NAV3: variants seen among roughly 807,000 people sequenced by gnomAD.
NAV3 encodes neuron navigator 3.
In NAV3, 87 loss-of-function variants were observed where a neutral mutation model predicts 244.7. That is an observed-to-expected ratio of 0.36 (90% CI 0.30 to 0.42). NAV3 has a LOEUF of 0.42. NAV3 is among the 20% of genes least tolerant of loss of function. NAV3 has a pLI of 1.00. For missense variants in NAV3, 2,663 were observed against 2,893.3 expected (o/e 0.92, Z 1.83); for synonymous variants, 1,126 against 1,042.2 (o/e 1.08, Z -1.55).
At chr12:77,896,722 G>A (rs1202495938) in intron 1 of NAV3, among the ~76,000 whole-genome samples, 1 of 152,150 alleles carries the variant, frequency 6.6e-6, no homozygotes, top group African/African-American at 2.4e-5. Flanking sequence ...CCTCTAAAGG[G>A]GTAACTCTCA....
intron 2 of NAV3, among the ~76,000 whole-genome samples, chr12:77,798,531 C>G (rs1871542688): frequency 7.4e-6 from 1 of 134,482 alleles, no homozygotes. Context: ...TTGAGCCTCA[C>G]TTTCCTCACA....
At chr12:78,069,919 A>G (rs1430301355) in intron 12 of NAV3, among the ~76,000 whole-genome samples, 1 of 152,052 alleles carries the variant, frequency 6.6e-6, no homozygotes, top group African/African-American at 2.4e-5. Flanking sequence ...TTTGTAAACT[A>G]TCAGGAATTA....
In NAV3 at chr12:77,741,148, C is replaced by CAAAAAAAAAAAAAAAAAAAAAAAAGAAA; in HGVS notation, c.72+168900_72+168901insAAAAAAGAAAAAAAAAAAAAAAAAAAAA. Among the ~76,000 whole-genome samples, 8 of 68,654 alleles carry CAAAAAAAAAAAAAAAAAAAAAAAAGAAA rather than the reference C, an allele frequency of 1.2e-4. 1 individual carries two copies. The highest frequency in any genetic ancestry group is 3.6e-4 in the African/African-American group (6 of 16,838). 45.0% of individuals were successfully genotyped at this position (68,654 alleles called of 152,430 possible). A position where few individuals can be genotyped will look rare whatever the true frequency, so the allele number is the denominator to read the frequency against. On this transcript the variant is annotated intron_variant, in intron 2 of 8. Coordinates refer to the NAV3 transcript ENST00000550042. ...GAAATAGTCAAAGAAAAAAAAAAGA[C>CAAAAAAAAAAAAAAAAAAAAAAAAGAAA]AAAAAAAAAAAAAAAAAAGAAAAGA...
At chr12:77,770,690 T>C (rs371207660) in intron 2 of NAV3, among the ~76,000 whole-genome samples, 2 of 152,166 alleles carry the variant, frequency 1.3e-5, no homozygotes, top group South Asian at 2.1e-4. Context: ...ATTTGGGTGC[T>C]GGGAAAACTG....
At chr12:78,062,769 A>G (rs919262141) in intron 12 of NAV3, among the ~76,000 whole-genome samples, 40 of 152,158 alleles carry the variant, frequency 2.6e-4, no homozygotes, top group African/African-American at 9.4e-4. Context: ...TGTGGTTCCC[A>G]ACTACTTTTG....
At chr12:77,625,450 T>C (rs1379091843) in intron 2 of NAV3, among the ~76,000 whole-genome samples, 1 of 151,580 alleles carries the variant, frequency 6.6e-6, no homozygotes, top group African/African-American at 2.4e-5. Context: ...GATTTAAGGC[T>C]CGAGCTCCTT....
At chr12:78,064,119 T>C (rs955628725) in intron 12 of NAV3, among the ~76,000 whole-genome samples, 2 of 151,882 alleles carry the variant, frequency 1.3e-5, no homozygotes, top group Non-Finnish European at 2.9e-5. Flanking sequence ...AGAATGGCAG[T>C]GGGGAAGGGG....
At chr12:77,629,998 A>G (rs1026633952) in intron 2 of NAV3, among the ~76,000 whole-genome samples, 3 of 152,216 alleles carry the variant, frequency 2.0e-5, no homozygotes, top group African/African-American at 4.8e-5. Context: ...GTTGGGGTCA[A>G]TGAATGGCAA....
intron 2 of NAV3, among the ~76,000 whole-genome samples, chr12:77,790,851 G>A (rs1486944217): frequency 6.6e-6 from 1 of 152,222 alleles, no homozygotes; most frequent in South Asian, 2.1e-4. Flanking sequence ...ACTTCACTCA[G>A]GGCGACCTTT....
At chr12:77,661,005 A>C (rs2137036703) in intron 2 of NAV3, among the ~76,000 whole-genome samples, 1 of 152,252 alleles carries the variant, frequency 6.6e-6, no homozygotes, top group Middle Eastern at 3.4e-3. Flanking sequence ...TGGTCATTTG[A>C]AATGTTTCCA....
chr12:77,965,723 A>G (rs1892454613), intron 3 of NAV3, among the ~76,000 whole-genome samples: 1 of 152,212 alleles, frequency 6.6e-6, no homozygotes, highest in South Asian at 2.1e-4. Flanking sequence ...TCACCTCTAG[A>G]AATACAAATA....
intron 2 of NAV3, among the ~76,000 whole-genome samples, chr12:77,755,581 T>TCCTTTCCTTTCCTTCCCTC (rs1565800350): frequency 1.2e-4 from 1 of 8,410 alleles, no homozygotes; most frequent in Non-Finnish European, 2.1e-4. Context: ...TCCTTTCCTT[T>TCCTTTCCTTTCCTTCCCTC]CCTCCCTCCC....
intron 2 of NAV3, among the ~76,000 whole-genome samples, chr12:77,772,460 TAAA>T (rs774058055): frequency 6.6e-6 from 1 of 152,132 alleles, no homozygotes; most frequent in Non-Finnish European, 1.5e-5. Flanking sequence ...TTTATAAGGA[TAAA>T]AAATTCATGC....
intron 1 of NAV3, among the ~76,000 whole-genome samples, chr12:77,870,457 A>C (rs990919290): frequency 1.3e-5 from 2 of 152,068 alleles, no homozygotes; most frequent in African/African-American, 4.8e-5. Flanking sequence ...ATGCTTTAAG[A>C]GATTGACGTA....
intron 20 of NAV3, among the ~76,000 whole-genome samples, chr12:78,141,326 C>A (rs1305968585): frequency 6.6e-6 from 1 of 152,070 alleles, no homozygotes; most frequent in African/African-American, 2.4e-5. Flanking sequence ...AAAAAGTAGC[C>A]TACAGGAAGT....
At chr12:78,151,217 AT>A (rs1457308703) in intron 22 of NAV3, among the ~76,000 whole-genome samples, 1 of 152,102 alleles carries the variant, frequency 6.6e-6, no homozygotes, top group African/African-American at 2.4e-5. Flanking sequence ...TATCATTAGT[AT>A]TAACTTTTGC....
At chr12:77,861,805 C>G (rs1175885460) in intron 1 of NAV3, among the ~76,000 whole-genome samples, 1 of 151,686 alleles carries the variant, frequency 6.6e-6, no homozygotes, top group African/African-American at 2.4e-5. Context: ...TATATTTTAT[C>G]ATTTTCTATG....
At chr12:77,955,291 G>A (rs566548803) in intron 3 of NAV3, among the ~76,000 whole-genome samples, 1 of 152,118 alleles carries the variant, frequency 6.6e-6, no homozygotes, top group East Asian at 1.9e-4. Context: ...TTCACATATA[G>A]CTCCTTCCCG....
chr12:78,099,012 T>A (rs1381667611), intron 12 of NAV3, among the ~76,000 whole-genome samples: 2 of 151,178 alleles, frequency 1.3e-5, no homozygotes, highest in Non-Finnish European at 1.5e-5. Context: ...ATTGAAGTGA[T>A]GTTGTTTCTT....
Sources: gnomAD v4.1 joint callset for allele counts (sites outside exome capture counted in the v4.1 genomes callset) on GRCh38, gnomAD v4.1.1 for gene constraint, MANE v1.5 for transcripts, NCBI Gene and HGNC (gene_info 2026-07-23, HGNC 2026-07-21) for gene names.